PTK2: variants seen among roughly 807,000 people sequenced by gnomAD.
The protein encoded by PTK2 is protein tyrosine kinase 2, also known as focal adhesion kinase 1.
A neutral mutation model predicts 150.1 loss-of-function variants in PTK2; 45 were observed. That is an observed-to-expected ratio of 0.30 (90% CI 0.24 to 0.38). PTK2 has a LOEUF of 0.38. Among genes scored for constraint, PTK2 ranks in the 10% least tolerant of loss-of-function variants. The pLI is 1.00. For synonymous variants in PTK2, 432 were observed against 449.2 expected (o/e 0.96, Z 0.48); for missense variants, 919 against 1,307.3 (o/e 0.70, Z 4.58).
intron 1 of PTK2, among the ~76,000 whole-genome samples, chr8:140,934,845 C>A (rs2100173071): frequency 6.6e-6 from 1 of 152,134 alleles, no homozygotes; most frequent in African/African-American, 2.4e-5. Context: ...AAACAACTCT[C>A]TATTGATCTC....
At chr8:140,821,597 G>C (rs1193780908) in intron 8 of PTK2, 1 of 152,260 alleles carries the variant, frequency 6.6e-6, no homozygotes, top group Non-Finnish European at 1.5e-5. Context: ...CTGGAGCTCA[G>C]GAGAGGGCAG....
intron 5 of PTK2, among the ~76,000 whole-genome samples, chr8:140,849,581 A>C (rs1209077733): frequency 6.6e-6 from 1 of 152,240 alleles, no homozygotes; most frequent in Non-Finnish European, 1.5e-5. Flanking sequence ...TTTAATCATC[A>C]GAACATCACT....
At chr8:140,926,561 G>A (rs1292573903) in intron 1 of PTK2, among the ~76,000 whole-genome samples, 1 of 152,188 alleles carries the variant, frequency 6.6e-6, no homozygotes, top group East Asian at 1.9e-4. Flanking sequence ...ACCAAATCAT[G>A]AGGCTCATGT....
chr8:140,991,739 T>C (rs1262271840), intron 1 of PTK2, among the ~76,000 whole-genome samples: 1 of 152,182 alleles, frequency 6.6e-6, no homozygotes, highest in Non-Finnish European at 1.5e-5. Flanking sequence ...CCAGGCATGG[T>C]GGCTCATGCC....
At chr8:140,793,449 GA>G in intron 12 of PTK2, 65 bp from the exon 13 acceptor site, 1 of 1,558,874 alleles carries the variant, frequency 6.4e-7, no homozygotes, top group South Asian at 1.2e-5. Context: ...ATGGTGCCTA[GA>G]ATCAGGGAGG....
rs114923657 is a variant in PTK2, at chr8:140,849,786, T to C, written c.451-3108A>G. Among the ~76,000 whole-genome samples, 1,046 of 152,342 alleles carry C rather than the reference T, an allele frequency of 6.9e-3. 9 individuals are homozygous for C. The highest frequency in any genetic ancestry group is 0.024 in the African/African-American group (988 of 41,590). On this transcript the variant is annotated intron_variant, in intron 5 of 31. Transcript: ENST00000522684. ...GGTAGAGTTTATTAGTCCTATTATA[T>C]ATAAAGATCAGAAAACTTAACTTCG...
intron 1 of PTK2, among the ~76,000 whole-genome samples, chr8:140,960,337 C>T (rs1242254188): frequency 2.0e-5 from 3 of 151,226 alleles, no homozygotes; most frequent in East Asian, 2.0e-4. Flanking sequence ...AGCTGGCATG[C>T]GCTACATGAT....
chr8:140,812,042 T>C (rs1275427916), intron 10 of PTK2, among the ~76,000 whole-genome samples: 1 of 152,114 alleles, frequency 6.6e-6, no homozygotes, highest in African/African-American at 2.4e-5. Context: ...GAAGTCAACA[T>C]TCAAATTTAG....
intron 14 of PTK2, among the ~76,000 whole-genome samples, chr8:140,788,113 G>C (rs2100086068): frequency 6.6e-6 from 1 of 152,110 alleles, no homozygotes; most frequent in Non-Finnish European, 1.5e-5. Context: ...TGGAAACTAG[G>C]GCTACTCCAA....
Position 140,761,271 on chromosome 8 carries a change from C to T in PTK2, c.1235-9G>A. On this transcript the variant is annotated splice_polypyrimidine_tract_variant and intron_variant, in intron 15 of 31. Transcript: ENST00000522684. ...AATCTCATAATCCCTGGCTGTAAAA[C>T]ATAATTCACACATCAATACTTAAGT... is the stretch of plus-strand genomic sequence containing the variant. The T allele has an allele frequency of 6.4e-7, 1 of 1,572,384 alleles. No individual in the cohort carries two copies. Among genetic ancestry groups the T allele is most frequent in the Non-Finnish European group, 8.8e-7 (1 of 1,142,580 alleles).
intron 5 of PTK2, among the ~76,000 whole-genome samples, chr8:140,852,837 G>A (rs544923814): frequency 9.8e-4 from 150 of 152,290 alleles, no homozygotes; most frequent in African/African-American, 3.5e-3. Flanking sequence ...GGTCTGGGAT[G>A]CTCAAATCCT....
intron 4 of PTK2, among the ~76,000 whole-genome samples, chr8:140,872,688 G>A (rs751376662): frequency 1.1e-3 from 172 of 152,352 alleles, no homozygotes; most frequent in Non-Finnish European, 2.3e-3. Flanking sequence ...CCCTGCCACG[G>A]CTCTGGGCCT....
chr8:140,902,916 TGA>T (rs2100159106), intron 2 of PTK2, among the ~76,000 whole-genome samples: 1 of 137,974 alleles, frequency 7.2e-6, no homozygotes, highest in African/African-American at 2.6e-5. Context: ...TTCACTCTGA[TGA>T]GAGTTGTTTT....
exon 25 of PTK2, chr8:140,702,604 G>C (rs1392279941): frequency 6.2e-7 from 1 of 1,613,856 alleles, no homozygotes; most frequent in Admixed American, 1.7e-5. Context: ...TATCTCCTGA[G>C]GTCTATGATT....
At chr8:140,671,397 T>C (rs2095382618) in intron 29 of PTK2, among the ~76,000 whole-genome samples, 1 of 152,144 alleles carries the variant, frequency 6.6e-6, no homozygotes, top group Non-Finnish European at 1.5e-5. Flanking sequence ...AATGTTTGTA[T>C]TTTTAGTAGA....
intron 1 of PTK2, among the ~76,000 whole-genome samples, chr8:140,982,603 A>AAAAG (rs751100055): frequency 1.3e-5 from 2 of 152,204 alleles, no homozygotes; most frequent in Non-Finnish European, 2.9e-5. Flanking sequence ...TCTCCAAAAA[A>AAAAG]AAAGAAAGAA....
intron 16 of PTK2, among the ~76,000 whole-genome samples, chr8:140,756,473 G>A (rs956982658): frequency 1.7e-4 from 26 of 152,108 alleles, no homozygotes; most frequent in Non-Finnish European, 3.2e-4. Context: ...CGAGATGGGC[G>A]GATCACCTGA....
intron 12 of PTK2, among the ~76,000 whole-genome samples, chr8:140,797,205 C>G (rs533971837): frequency 6.6e-6 from 1 of 152,140 alleles, no homozygotes; most frequent in Non-Finnish European, 1.5e-5. Context: ...ATGTAATAAA[C>G]ATAAAATGAA....
At chr8:140,742,788 C>T (rs2100056507) in intron 20 of PTK2, among the ~76,000 whole-genome samples, 1 of 152,158 alleles carries the variant, frequency 6.6e-6, no homozygotes, top group Non-Finnish European at 1.5e-5. Context: ...TGGCACGAAT[C>T]TTCTACTCTG....
Sources: gnomAD v4.1 joint callset for allele counts (sites outside exome capture counted in the v4.1 genomes callset) on GRCh38, gnomAD v4.1.1 for gene constraint, MANE v1.5 for transcripts, NCBI Gene and HGNC (gene_info 2026-07-23, HGNC 2026-07-21) for gene names.